Variants in BIRC6 observed in about 807,000 individuals in gnomAD.
The protein encoded by BIRC6 is dual E2 ubiquitin-conjugating enzyme/E3 ubiquitin-protein ligase BIRC6.
In BIRC6, 98 loss-of-function variants were observed where a neutral mutation model predicts 503.3. The ratio of observed to expected loss-of-function variants is 0.19; its 90% confidence interval spans 0.17 to 0.23. The LOEUF (loss-of-function observed/expected upper bound fraction) is 0.23. Among genes scored for constraint, BIRC6 ranks in the 10% least tolerant of loss-of-function variants. The pLI is 1.00. For missense variants in BIRC6, 5,360 were observed against 5,806.0 expected (o/e 0.92, Z 2.50); for synonymous variants, 2,240 against 2,078.7 (o/e 1.08, Z -2.11).
chr2:32,522,066 C>T (rs2055783037), intron 57 of BIRC6: 1 of 152,020 alleles, frequency 6.6e-6, no homozygotes, highest in African/African-American at 2.4e-5. Context: ...TGTGTTTCCT[C>T]TTTTCCCCCC....
At chr2:32,505,392 G>C in intron 50 of BIRC6, 187 bp downstream of exon 50, 1 of 560,700 alleles carries the variant, frequency 1.8e-6, no homozygotes, top group Non-Finnish European at 3.2e-6. Flanking sequence ...GTTAACCTCA[G>C]ACAAAAAGAT....
At chr2:32,438,255 G>A (rs1031329228) in intron 15 of BIRC6, among the ~76,000 whole-genome samples, 1 of 152,038 alleles carries the variant, frequency 6.6e-6, no homozygotes, top group Non-Finnish European at 1.5e-5. Context: ...CGAGTAAAGG[G>A]GTAACATTGG....
intron 53 of BIRC6, 38 bp downstream of exon 53, chr2:32,510,672 G>A (rs1165585407): frequency 7.7e-7 from 1 of 1,296,516 alleles, no homozygotes; most frequent in Non-Finnish European, 1.1e-6. Flanking sequence ...GCACACACAT[G>A]CACATAATCA....
chr2:32,406,650 A>G, intron 9 of BIRC6, 93 bp downstream of exon 9: 1 of 850,926 alleles, frequency 1.2e-6, no homozygotes, highest in African/African-American at 1.7e-5. Flanking sequence ...TTCTTAGTTA[A>G]TGCTAACTCT....
At chr2:32,549,909 AGAT>A (rs1340379359) in intron 65 of BIRC6, among the ~76,000 whole-genome samples, 13 of 152,212 alleles carry the variant, frequency 8.5e-5, no homozygotes, top group African/African-American at 1.7e-4. Context: ...GTACTTGATA[AGAT>A]GATGATTAAT....
Position 32,505,142 on chromosome 2 carries a change from C to T in BIRC6, c.9637C>T (p.His3213Tyr). The stretch of plus-strand genomic sequence containing the variant: ...GGAGGCTTGGTGTGACCTTACCATT[C>T]ACCTTCCTGCAGCAGTGCTGCTTAA... ...PEEAWCDLTI[H>Y]LPAAVLLKEI... The change falls in exon 50 of 74, where the codon CAC becomes TAC. Residue 3213 changes from histidine (H) to tyrosine (Y), a missense_variant. Transcript: ENST00000421745. The T allele has an allele frequency of 1.9e-6, 3 of 1,601,378 alleles. No individual in the cohort carries two copies. The highest frequency in any genetic ancestry group is 2.6e-6 in the Non-Finnish European group (3 of 1,173,502).
chr2:32,384,325 T>C (rs1232381200), intron 3 of BIRC6, among the ~76,000 whole-genome samples: 1 of 152,186 alleles, frequency 6.6e-6, no homozygotes, highest in Non-Finnish European at 1.5e-5. Context: ...ATTGAGCTTT[T>C]CTGCCAGGCC....
At position 32,473,211 on chromosome 2, in the gene BIRC6, T is replaced by A. The variant is rs1232066797; in HGVS notation, c.6692T>A (p.Ile2231Asn). 6.5e-7 allele frequency: 1 copy of A among 1,550,330 alleles called. No individual in the cohort carries two copies. Among genetic ancestry groups the A allele is most frequent in the South Asian group, 1.2e-5 (1 of 83,172 alleles). Reference protein sequence around the residue: ...SSLDRLYSRKIRKQLVHHKQQ... With the variant: ...SSLDRLYSRKNRKQLVHHKQQ... ...CTTGATAGATTATATTCCAGAAAAA[T>A]CAGAAAGCAGCTTGTTCATCATAAA... The change falls in exon 33 of 74, where the codon ATC (isoleucine) becomes AAC (asparagine). Residue 2231 changes from isoleucine (I) to asparagine (N), a missense_variant. This residue lies in a region of BIRC6 where 2,299 missense variants were observed against 2,267.2 expected (regional missense o/e 1.01). Coordinates refer to ENST00000421745, the MANE Select transcript of BIRC6 (RefSeq NM_016252.4).
intron 61 of BIRC6, among the ~76,000 whole-genome samples, chr2:32,532,501 C>G (rs2056865974): frequency 6.6e-6 from 1 of 152,166 alleles, no homozygotes; most frequent in Non-Finnish European, 1.5e-5. Context: ...TATAAGGACA[C>G]CAGTCATTTA....
intron 65 of BIRC6, among the ~76,000 whole-genome samples, chr2:32,556,356 A>G (rs1175919521): frequency 2.0e-5 from 3 of 152,212 alleles, no homozygotes; most frequent in African/African-American, 7.2e-5. Flanking sequence ...CACATCTCAG[A>G]CACTTCAGGG....
At chr2:32,465,926 C>T (rs1296267816) in intron 26 of BIRC6, among the ~76,000 whole-genome samples, 1 of 152,132 alleles carries the variant, frequency 6.6e-6, no homozygotes, top group Non-Finnish European at 1.5e-5. Context: ...CCCAACTAAT[C>T]ATTCATTGGT....
intron 63 of BIRC6, among the ~76,000 whole-genome samples, chr2:32,546,269 T>C (rs1046893547): frequency 7.2e-5 from 11 of 152,134 alleles, no homozygotes; most frequent in Admixed American, 5.2e-4. Flanking sequence ...TCAATATGAT[T>C]TAATTGTATT....
At chr2:32,531,952 A>G (rs1269987102) in intron 61 of BIRC6, among the ~76,000 whole-genome samples, 2 of 152,244 alleles carry the variant, frequency 1.3e-5, no homozygotes, top group Non-Finnish European at 2.9e-5. Flanking sequence ...TTCAGGTGCC[A>G]TTTCCATTTT....
At chr2:32,501,665 C>T in intron 46 of BIRC6, 48 bp from the exon 47 acceptor site, 1 of 1,508,672 alleles carries the variant, frequency 6.6e-7, no homozygotes, top group Non-Finnish European at 9.0e-7. Flanking sequence ...GCCACTGCGC[C>T]TGGCTGGATA....
chr2:32,603,157 C>A, intron 71 of BIRC6, 74 bp downstream of exon 71: 3 of 1,129,606 alleles, frequency 2.7e-6, no homozygotes, highest in South Asian at 1.5e-5. Flanking sequence ...TTTTTAGTGA[C>A]CAAGAATAAA....
intron 61 of BIRC6, among the ~76,000 whole-genome samples, chr2:32,534,730 C>CAA (rs770672789): frequency 0.015 from 325 of 22,312 alleles, 49 homozygotes; most frequent in East Asian, 0.024. Context: ...GACTCTGTCT[C>CAA]AAAAAAAAAA....
rs1168022029 is a variant in BIRC6, at chr2:32,460,993, CTCTGCTCTCT to C, written c.4754-2197_4754-2188del. On this transcript the variant is annotated intron_variant, in intron 23 of 73. Transcript: ENST00000421745. Reference sequence around the variant, plus strand: ...TATGAGATGCAATTGCTCTGCTCTGCTCTGCTCTCTTCTCTTCTCTTCTCTTCTCTTCTCT... The same window carrying C: ...TATGAGATGCAATTGCTCTGCTCTGCTCTCTTCTCTTCTCTTCTCTTCTCT... Among the ~76,000 whole-genome samples the C allele has an allele frequency of 6.3e-3, 880 of 138,770 alleles. 2 individuals are homozygous for C. Among genetic ancestry groups the C allele is most frequent in the Non-Finnish European group, 9.5e-3 (598 of 62,888 alleles). 91.0% of individuals were successfully genotyped at this position (138,770 alleles called of 152,430 possible).
chr2:32,473,528 C>G (rs1262749711), intron 33 of BIRC6, among the ~76,000 whole-genome samples: 1 of 151,934 alleles, frequency 6.6e-6, no homozygotes, highest in Non-Finnish European at 1.5e-5. Flanking sequence ...ACCTCTCTTC[C>G]TTTGTTCTGC....
Position 32,524,898 on chromosome 2 carries a change from T to C in BIRC6, c.11634T>C (p.Ser3878=). 2.7e-6 allele frequency: 4 copies of C among 1,474,636 alleles called. No homozygotes were observed. Among genetic ancestry groups the C allele is most frequent in the Non-Finnish European group, 3.6e-6 (4 of 1,100,006 alleles). 91.3% of individuals were successfully genotyped at this position (1,474,636 alleles called of 1,614,324 possible). The change falls in exon 58 of 74, where the codon AGT becomes AGC. Residue 3878 remains serine, a synonymous_variant. Coordinates refer to ENST00000421745, the MANE Select transcript of BIRC6 (RefSeq NM_016252.4). ...AATATCTTCTTACAGATACTCCAAGTATCACAGCTAAATTAATTAGTGAAC... is the reference window on the plus strand; with the variant it reads ...AATATCTTCTTACAGATACTCCAAGCATCACAGCTAAATTAATTAGTGAAC... The part of the protein sequence containing the change: ...DVLDRVSDTP[S]ITAKLISEQK...
Sources: allele counts gnomAD v4.1 joint callset (sites outside exome capture counted in the v4.1 genomes callset), GRCh38; gene constraint gnomAD v4.1.1; regional missense constraint gnomAD v4.1.1; transcripts MANE v1.5; gene names NCBI Gene and HGNC (gene_info 2026-07-23, HGNC 2026-07-21).